The following HDAC7 variants were observed in gnomAD, a reference collection of about 807,000 sequenced individuals.
The protein encoded by HDAC7 is histone deacetylase 7A.
In HDAC7, 26 loss-of-function variants were observed where a neutral mutation model predicts 115.5. That is an observed-to-expected ratio of 0.23 (90% CI 0.16 to 0.31). HDAC7 has a LOEUF of 0.31. Among genes scored for constraint, HDAC7 ranks in the 10% least tolerant of loss-of-function variants. The pLI is 1.00. For missense variants in HDAC7, 1,068 were observed against 1,329.0 expected (o/e 0.80, Z 3.05); for synonymous variants, 564 against 550.9 (o/e 1.02, Z -0.33).
chr12:47,802,474 G>C, intron 1 of HDAC7, 200 bp from the exon 2 acceptor site: 1 of 1,551,144 alleles, frequency 6.4e-7, no homozygotes, highest in Non-Finnish European at 8.7e-7. Flanking sequence ...GGTGAAAAGG[G>C]CTCCCAGCTC....
At chr12:47,791,215 G>A in intron 16 of HDAC7, 44 bp downstream of exon 16, 2 of 1,535,704 alleles carry the variant, frequency 1.3e-6, no homozygotes, top group Non-Finnish European at 8.9e-7. Flanking sequence ...GAGGAGAGCT[G>A]AGAGCCCTGG....
intron 1 of HDAC7, among the ~76,000 whole-genome samples, chr12:47,814,558 A>C (rs568499951): frequency 1.3e-5 from 2 of 152,194 alleles, no homozygotes; most frequent in Admixed American, 6.5e-5. Context: ...TGGAAGAAAA[A>C]GGGTGCTCCC....
rs1943767889 is a variant in HDAC7 at position 47,795,532 on chromosome 12, G to A, written c.1087+55C>T. The A allele has an allele frequency of 2.1e-5, 32 of 1,524,218 alleles. No individual in the cohort carries two copies. The highest frequency in any genetic ancestry group is 2.8e-5 in the Non-Finnish European group (32 of 1,127,662). The allele number at this position is 1,524,218 out of a possible 1,614,324, so 94.4% of individuals were successfully genotyped here. A position where few individuals can be genotyped will look rare whatever the true frequency, so the allele number is the denominator to read the frequency against. ...GAAGGATGGGTCCATCCCAAGCTTG[G>A]CTCTTAGCAGGGTGCAGGGACCCAG... On this transcript the variant is annotated intron_variant, in intron 10 of 25. Transcript: ENST00000080059. The surrounding 1 kb of genome is among the most constrained non-coding windows in gnomAD (Gnocchi z 4.3).
chr12:47,792,900 A>G (rs1943604844), intron 13 of HDAC7: 2 of 342,104 alleles, frequency 5.8e-6, no homozygotes, highest in Admixed American at 3.8e-5. Flanking sequence ...GCATCTGTAC[A>G]TGTACATATG....
intron 2 of HDAC7, among the ~76,000 whole-genome samples, chr12:47,801,725 G>A (rs911350353): frequency 6.6e-6 from 1 of 152,224 alleles, no homozygotes; most frequent in Admixed American, 6.5e-5. Context: ...GCAGCAGGAA[G>A]TCCAGTCCTT....
rs1184053594 is a variant in HDAC7, at chr12:47,809,725, C to T, written c.20-7451G>A. Among the ~76,000 whole-genome samples the T allele has an allele frequency of 2.6e-5, 4 of 151,556 alleles. No homozygotes were observed. The South Asian group carries it at 6.3e-4, about 24-fold the overall frequency. The stretch of plus-strand genomic sequence containing the variant: ...AGCTGGGATTACAGGCGTGCGCCAA[C>T]ATGCCTGGCTAATTTTTGTATATTT... On this transcript the variant is annotated intron_variant, in intron 1 of 25. Transcript: ENST00000080059.
Position 47,802,213 on chromosome 12 carries a change from T to C in HDAC7, c.70+11A>G, listed in dbSNP as rs768824815. On this transcript the variant is annotated intron_variant, in intron 2 of 25. Coordinates refer to ENST00000080059, the MANE Select transcript of HDAC7 (RefSeq NM_015401.5). Reference sequence around the variant, plus strand: ...CTCCCTACCATGGACTCCCCCGGGTTTGACTCTTACCTGCGCCAGTGGGGC... The same window carrying C: ...CTCCCTACCATGGACTCCCCCGGGTCTGACTCTTACCTGCGCCAGTGGGGC... 2.5e-6 allele frequency: 4 copies of C among 1,612,820 alleles called. No individual in the cohort carries two copies. Among genetic ancestry groups the C allele is most frequent in the Non-Finnish European group, 3.4e-6 (4 of 1,179,550 alleles).
chr12:47,785,855 T>G lies in HDAC7; in HGVS notation c.2603A>C (p.Asn868Thr), dbSNP rs532541735. 1.2e-6 allele frequency: 2 copies of G among 1,609,876 alleles called. No individual in the cohort carries two copies. ...CAGCACCACTGCGCCTCCTGCCAGGTTCATCAGTTGCTGCGTCATGTATCC... is the reference window on the plus strand; with the variant it reads ...CAGCACCACTGCGCCTCCTGCCAGGGTCATCAGTTGCTGCGTCATGTATCC... Reference protein sequence around the residue: ...CFGYMTQQLMNLAGGAVVLAL... With the variant: ...CFGYMTQQLMTLAGGAVVLAL... The change falls in exon 23 of 26, where the codon AAC (asparagine) becomes ACC (threonine). Residue 868 changes from asparagine (N) to threonine (T), a missense_variant. Asn to Thr is a moderately conservative substitution (Grantham distance 65, BLOSUM62 0). Coordinates refer to ENST00000080059, the MANE Select transcript of HDAC7 (RefSeq NM_015401.5).
At chr12:47,792,119 ACACAC>A in intron 13 of HDAC7, 115 bp from the exon 14 acceptor site, 1 of 1,256,596 alleles carries the variant, frequency 8.0e-7, no homozygotes, top group Non-Finnish European at 1.1e-6. Flanking sequence ...CCGGGCGGGT[ACACAC>A]CCCTCACACC....
At chr12:47,789,653 C>A in intron 17 of HDAC7, 75 bp from the exon 18 acceptor site, 1 of 1,528,990 alleles carries the variant, frequency 6.5e-7, no homozygotes, top group Non-Finnish European at 9.1e-7. Flanking sequence ...CCCAAGAGTT[C>A]CAATCTCAAC....
chr12:47,793,283 A>G lies in HDAC7; in HGVS notation c.1678+86T>C. 1 of 1,059,492 alleles carries G rather than the reference A, an allele frequency of 9.4e-7. No homozygotes were observed. The highest frequency in any genetic ancestry group is 1.3e-6 in the Non-Finnish European group (1 of 751,796). The allele number at this position is 1,059,492 out of a possible 1,614,324, so 65.6% of individuals were successfully genotyped here. On this transcript the variant is annotated intron_variant, in intron 13 of 25. Transcript: ENST00000080059. This position sits in a 1 kb window ranked among gnomAD's most constrained non-coding sequence, Gnocchi z 4.5. ...AGGCTAAGCACTCTGTGGCCTCTAA[A>G]AATGTCCCAAGTGACACCAAGACAC...
Position 47,798,164 on chromosome 12 carries a change from T to C in HDAC7, c.405A>G (p.Lys135=), listed in dbSNP as rs1943968668. 6.2e-7 allele frequency: 1 copy of C among 1,613,654 alleles called. No homozygotes were observed. The highest frequency in any genetic ancestry group is 8.5e-7 in the Non-Finnish European group (1 of 1,179,878). The change falls in exon 5 of 26, where the codon AAA becomes AAG. Residue 135 remains lysine, a synonymous_variant. Transcript: ENST00000080059. This position sits in a 1 kb window ranked among gnomAD's most constrained non-coding sequence, Gnocchi z 4.3. The part of the protein sequence containing the change: ...KQKLAEVILK[K]QQAALERTVH... ...CTGTTCTTTCTAGGGCCGCCTGCTG[T>C]TTTTTCAGAATCACCTCCGCTAGCT...
chr12:47,809,203 C>CT (rs529657636), intron 1 of HDAC7, among the ~76,000 whole-genome samples: 4 of 152,282 alleles, frequency 2.6e-5, no homozygotes, highest in Admixed American at 2.6e-4. Flanking sequence ...CTTCTCCCCT[C>CT]TGAGGTGTCA....
At chr12:47,789,047 G>C (rs1432612984) in intron 19 of HDAC7, 2 of 570,544 alleles carry the variant, frequency 3.5e-6, no homozygotes, top group Admixed American at 3.1e-5. Flanking sequence ...CGTTGCAGGG[G>C]TTTGCGATGG....
In HDAC7 at chr12:47,783,660, A is replaced by T; in HGVS notation, c.*181T>A. 1 of 687,118 alleles carries T rather than the reference A, an allele frequency of 1.5e-6. No homozygotes were observed. The highest frequency in any genetic ancestry group is 2.6e-6 in the Non-Finnish European group (1 of 388,254). The allele number at this position is 687,118 out of a possible 1,614,324, so 42.6% of individuals were successfully genotyped here. ...CCTCTCAGGGTCCTCTCCAGTTCCC[A>T]TTCTAGACCCAGGGATTTTCTCACG... is the stretch of plus-strand genomic sequence containing the variant. On this transcript the variant is annotated 3_prime_UTR_variant, in exon 26 of 26. Coordinates refer to ENST00000080059, the MANE Select transcript of HDAC7 (RefSeq NM_015401.5).
At chr12:47,814,636 T>A (rs1216623189) in intron 1 of HDAC7, among the ~76,000 whole-genome samples, 1 of 152,194 alleles carries the variant, frequency 6.6e-6, no homozygotes, top group Non-Finnish European at 1.5e-5. Flanking sequence ...TCTGCCAACC[T>A]TTGGGGCTGC....
At chr12:47,792,474 A>G (rs1943583560) in intron 13 of HDAC7, 1 of 344,570 alleles carries the variant, frequency 2.9e-6, no homozygotes, top group African/African-American at 2.1e-5. Context: ...TAAGAAGCCC[A>G]CGATGACACT....
intron 25 of HDAC7, 39 bp downstream of exon 25, chr12:47,784,040 G>A (rs1943006733): frequency 6.2e-7 from 1 of 1,608,760 alleles, no homozygotes; most frequent in African/African-American, 1.3e-5. Context: ...ATGAAGCGGT[G>A]GAGAGGCTGT....
At chr12:47,810,237 C>T (rs533574854) in intron 1 of HDAC7, among the ~76,000 whole-genome samples, 2 of 152,332 alleles carry the variant, frequency 1.3e-5, no homozygotes, top group South Asian at 2.1e-4. Context: ...TGAACCACTG[C>T]GCCCGGCCTA....
Sources: gnomAD v4.1 joint callset for allele counts (sites outside exome capture counted in the v4.1 genomes callset) on GRCh38, gnomAD v4.1.1 for gene constraint, Gnocchi (gnomAD v3.1) non-coding constraint, MANE v1.5 for transcripts, NCBI Gene and HGNC (gene_info 2026-07-23, HGNC 2026-07-21) for gene names.